Variants in FGF14 observed in about 807,000 individuals in gnomAD.
FGF14 encodes fibroblast growth factor homologous factor 4.
In FGF14, 5 loss-of-function variants were observed where a neutral mutation model predicts 25.5. The observed-to-expected ratio is 0.20, with a 90% CI of 0.10 to 0.41. FGF14 has a LOEUF of 0.41. Ranked by LOEUF, FGF14 falls within the 10% of genes least tolerant of loss-of-function variation. FGF14 has a pLI of 1.00. For missense variants in FGF14, 222 were observed against 320.1 expected (o/e 0.69, Z 2.34); for synonymous variants, 138 against 118.3 (o/e 1.17, Z -1.08).
At chr13:101,741,634 T>A (rs1399608283) in intron 3 of FGF14, among the ~76,000 whole-genome samples, 11 of 143,826 alleles carry the variant, frequency 7.6e-5, no homozygotes, top group African/African-American at 7.8e-5. Context: ...TTTATTACAG[T>A]AAAAAAAAAA....
chr13:102,023,164 A>G (rs114582527), intron 1 of FGF14, among the ~76,000 whole-genome samples: 9,288 of 152,106 alleles, frequency 0.061, 337 homozygotes, highest in Middle Eastern at 0.082. Context: ...AAAGAATGTT[A>G]CAGTTTAACC....
intron 1 of FGF14, among the ~76,000 whole-genome samples, chr13:102,182,005 T>G (rs917525828): frequency 6.6e-6 from 1 of 152,110 alleles, no homozygotes; most frequent in Non-Finnish European, 1.5e-5. Flanking sequence ...TTTTAAATAA[T>G]TGCCGTTGTT....
intron 1 of FGF14, among the ~76,000 whole-genome samples, chr13:102,167,941 T>TAC (rs2048091353): frequency 6.6e-6 from 1 of 151,884 alleles, no homozygotes; most frequent in African/African-American, 2.4e-5. Flanking sequence ...CACACAAACA[T>TAC]ACACACACAC....
chr13:101,802,200 T>C, intron 3 of FGF14: 1 of 251,184 alleles, frequency 4.0e-6, no homozygotes, highest in Non-Finnish European at 8.0e-6. Context: ...CAAGGTCAAA[T>C]CTGCAAATCC....
At chr13:101,903,597 T>C (rs762216850) in intron 1 of FGF14, among the ~76,000 whole-genome samples, 2 of 152,146 alleles carry the variant, frequency 1.3e-5, no homozygotes, top group Non-Finnish European at 2.9e-5. Flanking sequence ...TTGTAGCTTT[T>C]ATATGCCTAA....
At chr13:102,233,519 T>C (rs916421859) in intron 1 of FGF14, among the ~76,000 whole-genome samples, 1 of 152,088 alleles carries the variant, frequency 6.6e-6, no homozygotes, top group Non-Finnish European at 1.5e-5. Flanking sequence ...ACCTGTTTTG[T>C]TCACAGCTGT....
rs2034619023 is a variant in FGF14 at position 101,714,361 on chromosome 13, T to C, written c.*8470A>G. 1 of 839,638 alleles carries C rather than the reference T, an allele frequency of 1.2e-6. No homozygotes were observed. The highest frequency in any genetic ancestry group is 2.1e-6 in the Non-Finnish European group (1 of 480,672). The allele number at this position is 839,638 out of a possible 1,614,324, so 52.0% of individuals were successfully genotyped here. A position where few individuals can be genotyped will look rare whatever the true frequency, so the allele number is the denominator to read the frequency against. On this transcript the variant is annotated 3_prime_UTR_variant, in exon 5 of 5. Transcript: ENST00000376143. ...TGGGTTATTAGAAGCCTGTTGTCAG[T>C]GTGTCAACGATATTCTATTCGAGAT...
intron 1 of FGF14, among the ~76,000 whole-genome samples, chr13:101,908,305 C>T (rs1594685143): frequency 1.3e-5 from 2 of 152,260 alleles, no homozygotes; most frequent in East Asian, 1.9e-4. Flanking sequence ...TCTCCTAATC[C>T]CAGCCCCACT....
intron 1 of FGF14, among the ~76,000 whole-genome samples, chr13:101,963,518 C>G (rs1005268077): frequency 1.3e-5 from 2 of 152,110 alleles, no homozygotes; most frequent in African/African-American, 4.8e-5. Flanking sequence ...CCCACTCTGC[C>G]GGAAGTTCCT....
intron 1 of FGF14, among the ~76,000 whole-genome samples, chr13:102,277,026 C>T (rs2053584116): frequency 6.6e-6 from 1 of 152,218 alleles, no homozygotes; most frequent in African/African-American, 2.4e-5. Flanking sequence ...TAATATGTTG[C>T]CTAACTTTCA....
intron 1 of FGF14, among the ~76,000 whole-genome samples, chr13:101,999,663 C>A (rs1020794644): frequency 1.3e-5 from 2 of 152,072 alleles, no homozygotes; most frequent in African/African-American, 4.8e-5. Flanking sequence ...ATGCATTATC[C>A]TCAGTGACTT....
intron 1 of FGF14, among the ~76,000 whole-genome samples, chr13:102,114,834 G>A (rs988061168): frequency 1.3e-5 from 2 of 152,112 alleles, no homozygotes; most frequent in African/African-American, 4.8e-5. Context: ...AGGGAAGGGG[G>A]AGAGGAGAAG....
chr13:102,393,587 C>T (rs1444838807), intron 1 of FGF14, among the ~76,000 whole-genome samples: 4 of 152,178 alleles, frequency 2.6e-5, no homozygotes, highest in African/African-American at 7.2e-5. Flanking sequence ...CCCTCCCCTA[C>T]CCCGAAAATC....
intron 1 of FGF14, among the ~76,000 whole-genome samples, chr13:102,267,000 A>G (rs1252022808): frequency 6.6e-6 from 1 of 152,174 alleles, no homozygotes; most frequent in Non-Finnish European, 1.5e-5. Flanking sequence ...CAATAGTTTA[A>G]CAAAAGAAGT....
chr13:101,839,572 T>G (rs868434409), intron 3 of FGF14, among the ~76,000 whole-genome samples: 35 of 152,024 alleles, frequency 2.3e-4, no homozygotes, highest in African/African-American at 8.2e-4. Flanking sequence ...TATATATTTA[T>G]GGAGTACAGG....
intron 1 of FGF14, among the ~76,000 whole-genome samples, chr13:102,046,942 C>T (rs1299953297): frequency 6.6e-6 from 1 of 152,092 alleles, no homozygotes; most frequent in Non-Finnish European, 1.5e-5. Flanking sequence ...GTCACCAAAC[C>T]ATCTCAGCAG....
rs1443438249 is a variant in FGF14 at position 101,716,984 on chromosome 13, A to G, written c.*5847T>C. The G allele has an allele frequency of 6.6e-6, 1 of 152,070 alleles. No individual in the cohort carries two copies. The highest frequency in any genetic ancestry group is 1.5e-5 in the Non-Finnish European group (1 of 67,966). 9.4% of individuals were successfully genotyped at this position (152,070 alleles called of 1,614,324 possible). On this transcript the variant is annotated 3_prime_UTR_variant, in exon 5 of 5. Coordinates refer to ENST00000376143, the MANE Select transcript of FGF14 (RefSeq NM_004115.4). The stretch of plus-strand genomic sequence containing the variant: ...TAAATCTACTTATACACATTAGTTT[A>G]GGCAACCTTTAATTATTTAGAGCTA...
At chr13:102,049,042 T>G (rs2042108671) in intron 1 of FGF14, among the ~76,000 whole-genome samples, 1 of 151,966 alleles carries the variant, frequency 6.6e-6, no homozygotes, top group Non-Finnish European at 1.5e-5. Context: ...AATAAAAAAC[T>G]AAGACATATG....
At chr13:102,161,574 A>AAGAAGAAGAAGG (rs1555369410) in intron 1 of FGF14, among the ~76,000 whole-genome samples, 1 of 5,312 alleles carries the variant, frequency 1.9e-4, no homozygotes, top group Non-Finnish European at 3.3e-4. Context: ...GTGAAGAAAG[A>AAGAAGAAGAAGG]AAGAAGAAGA....
Sources: allele counts gnomAD v4.1 joint callset (sites outside exome capture counted in the v4.1 genomes callset), GRCh38; gene constraint gnomAD v4.1.1; transcripts MANE v1.5; gene names NCBI Gene and HGNC (gene_info 2026-07-23, HGNC 2026-07-21).